CWC22: variants seen among roughly 807,000 people sequenced by gnomAD.
CWC22 encodes pre-mRNA-splicing factor CWC22 homolog.
CWC22 carries 53 observed loss-of-function variants against 117.2 expected under a neutral mutation model. The observed-to-expected ratio is 0.45, with a 90% CI of 0.36 to 0.57. The LOEUF is 0.57. CWC22 is among the 20% of genes least tolerant of loss of function. The pLI is 0.00. For synonymous variants in CWC22, 360 were observed against 355.6 expected (o/e 1.01, Z -0.14); for missense variants, 980 against 1,068.8 (o/e 0.92, Z 1.16).
rs548882178 is a variant in CWC22 at position 179,999,433 on chromosome 2, T to G, written c.-113-5979A>C. 5.9e-5 allele frequency among the ~76,000 whole-genome samples: 9 copies of G among 152,040 alleles called. No individual in the cohort carries two copies. The South Asian group carries it at 1.2e-3, about 21-fold the overall frequency. On this transcript the variant is annotated intron_variant, in intron 1 of 19. Coordinates refer to ENST00000410053, the MANE Select transcript of CWC22 (RefSeq NM_020943.3). Reference sequence around the variant, plus strand: ...GATATAGTATTCACGAGAGCACTATTAAAAAAAAGATAGTTTTTCTCTCAG... The same window carrying G: ...GATATAGTATTCACGAGAGCACTATGAAAAAAAAGATAGTTTTTCTCTCAG...
At chr2:179,948,782 A>C (rs963566661) in intron 19 of CWC22, among the ~76,000 whole-genome samples, 7 of 152,204 alleles carry the variant, frequency 4.6e-5, no homozygotes, top group African/African-American at 1.7e-4. Context: ...ACTATCATAG[A>C]ATGCAGAAAA....
chr2:179,951,186 T>C (rs1260416782), intron 17 of CWC22, among the ~76,000 whole-genome samples: 1 of 151,930 alleles, frequency 6.6e-6, no homozygotes, highest in East Asian at 1.9e-4. Flanking sequence ...CACACACATA[T>C]AGAAAGATAA....
At chr2:179,975,467 A>T (rs757811053) in intron 6 of CWC22, among the ~76,000 whole-genome samples, 5 of 152,232 alleles carry the variant, frequency 3.3e-5, no homozygotes, top group Non-Finnish European at 7.3e-5. Flanking sequence ...AAGAAATAAA[A>T]GGTATCCAAA....
At chr2:179,982,027 A>G in intron 4 of CWC22, 30 bp from the exon 5 acceptor site, 1 of 1,233,116 alleles carries the variant, frequency 8.1e-7, no homozygotes, top group Non-Finnish European at 1.2e-6. Flanking sequence ...AAGAGCAGAA[A>G]AGACAATATA....
At chr2:179,976,105 G>T (rs1311993254) in intron 6 of CWC22, among the ~76,000 whole-genome samples, 1 of 152,114 alleles carries the variant, frequency 6.6e-6, no homozygotes, top group East Asian at 1.9e-4. Flanking sequence ...CCAGACATTG[G>T]CAGTCAACTG....
intron 8 of CWC22, among the ~76,000 whole-genome samples, chr2:179,972,255 A>G (rs893411016): frequency 6.6e-6 from 1 of 152,220 alleles, no homozygotes; most frequent in African/African-American, 2.4e-5. Context: ...GTTATACATG[A>G]TATTAAATTG....
At chr2:179,984,374 T>C (rs1375948126) in intron 4 of CWC22, among the ~76,000 whole-genome samples, 3 of 152,108 alleles carry the variant, frequency 2.0e-5, no homozygotes, top group Non-Finnish European at 4.4e-5. Context: ...CTAGTAGTCA[T>C]TCTCATTAAG....
At chr2:179,959,941 G>C (rs1021031954) in intron 13 of CWC22, among the ~76,000 whole-genome samples, 1 of 151,962 alleles carries the variant, frequency 6.6e-6, no homozygotes, top group Non-Finnish European at 1.5e-5. Flanking sequence ...TATATGCATT[G>C]AATTGTATTA....
intron 14 of CWC22, among the ~76,000 whole-genome samples, chr2:179,956,702 A>G (rs1346694237): frequency 1.3e-5 from 2 of 151,644 alleles, no homozygotes; most frequent in Admixed American, 6.6e-5. Context: ...AAAATTTCAT[A>G]AAGTACTAAA....
chr2:180,003,158 A>G (rs1356988743), intron 1 of CWC22, among the ~76,000 whole-genome samples: 2 of 152,322 alleles, frequency 1.3e-5, no homozygotes, highest in East Asian at 3.9e-4. Context: ...TGGAAATACT[A>G]AGATTTCCAA....
At position 179,970,958 on chromosome 2, in the gene CWC22, G is replaced by A. The variant is rs922806924; in HGVS notation, c.923C>T (p.Ser308Leu). 1.2e-6 allele frequency: 2 copies of A among 1,612,314 alleles called. No individual in the cohort carries two copies. Among genetic ancestry groups the A allele is most frequent in the Non-Finnish European group, 1.7e-6 (2 of 1,179,002 alleles). The change falls in exon 9 of 20, where the codon TCA becomes TTA. Residue 308 changes from serine (S) to leucine (L), a missense_variant. Coordinates refer to ENST00000410053, the MANE Select transcript of CWC22 (RefSeq NM_020943.3). ...ACACTTACCATTGATTCCTCTTGGT[G>A]ACACTTGTGTTAATTTGAGGCCACA... The part of the protein sequence containing the change: ...KECGLKLTQV[S>L]PRGINAIFER...
At chr2:179,975,848 T>G (rs1687140497) in intron 6 of CWC22, among the ~76,000 whole-genome samples, 1 of 152,194 alleles carries the variant, frequency 6.6e-6, no homozygotes, top group African/African-American at 2.4e-5. Context: ...ACATACAGAC[T>G]GGACTCAATC....
intron 2 of CWC22, among the ~76,000 whole-genome samples, chr2:179,993,021 GCACACACACGTA>G (rs1039377615): frequency 5.3e-5 from 8 of 151,742 alleles, no homozygotes; most frequent in African/African-American, 1.9e-4. Context: ...ACACACACGC[GCACACACACGTA>G]CACACACTTC....
chr2:179,971,738 G>C (rs1193609048), intron 8 of CWC22, among the ~76,000 whole-genome samples: 1 of 152,120 alleles, frequency 6.6e-6, no homozygotes, highest in Non-Finnish European at 1.5e-5. Context: ...TTTGCTAAGA[G>C]AAGAAAACGA....
At chr2:179,948,557 A>G (rs1483628278) in intron 19 of CWC22, among the ~76,000 whole-genome samples, 1 of 152,228 alleles carries the variant, frequency 6.6e-6, no homozygotes, top group Non-Finnish European at 1.5e-5. Flanking sequence ...CAAGTGATCA[A>G]GGTTGTCACC....
chr2:180,004,957 C>T (rs1365403659), intron 1 of CWC22, among the ~76,000 whole-genome samples: 1 of 151,292 alleles, frequency 6.6e-6, no homozygotes, highest in Non-Finnish European at 1.5e-5. Flanking sequence ...ATAGCATGCC[C>T]CTAAAGGATG....
At chr2:179,960,802 A>G (rs955381390) in intron 13 of CWC22, among the ~76,000 whole-genome samples, 36 of 152,048 alleles carry the variant, frequency 2.4e-4, no homozygotes, top group African/African-American at 8.0e-4. Context: ...CATTTCTTGA[A>G]ATGTATATCA....
chr2:179,966,801 A>G (rs1254075387), intron 11 of CWC22, among the ~76,000 whole-genome samples: 1 of 152,202 alleles, frequency 6.6e-6, no homozygotes, highest in Non-Finnish European at 1.5e-5. Context: ...CATTTCTATT[A>G]TAATCAGAGG....
chr2:179,961,098 G>A (rs1233198924), intron 13 of CWC22, among the ~76,000 whole-genome samples: 1 of 151,648 alleles, frequency 6.6e-6, no homozygotes, highest in Non-Finnish European at 1.5e-5. Context: ...TATAAATACC[G>A]CATATAAAAA....
Sources: allele counts gnomAD v4.1 joint callset (sites outside exome capture counted in the v4.1 genomes callset), GRCh38; gene constraint gnomAD v4.1.1; transcripts MANE v1.5; gene names NCBI Gene and HGNC (gene_info 2026-07-23, HGNC 2026-07-21).